The following STK3 variants were observed in gnomAD, a reference collection of about 807,000 sequenced individuals.
The protein encoded by STK3 is serine/threonine kinase 3, also known as serine/threonine-protein kinase 3.
In STK3, 41 loss-of-function variants were observed where a neutral mutation model predicts 58.0. The ratio of observed to expected loss-of-function variants is 0.71; its 90% CI spans 0.55 to 0.92. STK3 has a LOEUF of 0.92. Among genes scored for constraint, STK3 ranks in the 40% least tolerant of loss-of-function variants. The probability of loss-of-function intolerance (pLI) is 0.00; values close to 1 mark genes in which losing one functional copy is unlikely to be tolerated. For synonymous variants in STK3, 170 were observed against 191.0 expected (o/e 0.89, Z 0.91); for missense variants, 479 against 602.7 (o/e 0.79, Z 2.15).
At chr8:98,377,285 T>C (rs1409359389) in intron 2 of STK3, among the ~76,000 whole-genome samples, 1 of 152,212 alleles carries the variant, frequency 6.6e-6, no homozygotes, top group Non-Finnish European at 1.5e-5. Context: ...CTTATATTAA[T>C]TCTTTTTCCC....
intron 4 of STK3, among the ~76,000 whole-genome samples, chr8:98,730,562 G>C (rs142046869): frequency 0.021 from 3,123 of 151,714 alleles, 110 homozygotes; most frequent in African/African-American, 0.072. Context: ...ACTAAAAATA[G>C]AAAATTAGCC....
intron 7 of STK3, among the ~76,000 whole-genome samples, chr8:98,593,593 G>A (rs903396581): frequency 2.0e-5 from 3 of 152,166 alleles, no homozygotes; most frequent in African/African-American, 7.2e-5. Flanking sequence ...TCTAACAGGA[G>A]CACAAACCCT....
At chr8:98,563,958 G>A (rs1425334766) in intron 8 of STK3, among the ~76,000 whole-genome samples, 2 of 152,046 alleles carry the variant, frequency 1.3e-5, no homozygotes, top group South Asian at 2.1e-4. Context: ...CTTCTTAAAT[G>A]TGAGCTGTGT....
At chr8:98,876,214 G>A (rs16897115) in intron 3 of STK3, among the ~76,000 whole-genome samples, 3 of 152,098 alleles carry the variant, frequency 2.0e-5, no homozygotes, top group African/African-American at 4.8e-5. Context: ...AATCTAGCAC[G>A]TTTAGGAACC....
chr8:98,553,177 T>C (rs540090552), intron 8 of STK3, among the ~76,000 whole-genome samples: 2 of 152,050 alleles, frequency 1.3e-5, no homozygotes, highest in East Asian at 3.9e-4. Context: ...GGGTGGAGTG[T>C]TTTACAACTT....
the STK3 span, among the ~76,000 whole-genome samples, chr8:98,353,345 T>C: frequency 6.6e-6 from 1 of 151,962 alleles, no homozygotes; most frequent in African/African-American, 2.4e-5. Context: ...AGAAAAATTA[T>C]CTGGGTGTGG....
chr8:98,842,075 A>G (rs1836012301), intron 3 of STK3, among the ~76,000 whole-genome samples: 1 of 152,168 alleles, frequency 6.6e-6, no homozygotes, highest in Non-Finnish European at 1.5e-5. Flanking sequence ...AAATAATCCA[A>G]AAGAAAACTA....
intron 4 of STK3, chr8:98,722,653 G>A (rs1195881721): frequency 1.3e-5 from 2 of 158,016 alleles, no homozygotes; most frequent in Non-Finnish European, 2.8e-5. Flanking sequence ...TCACATATAA[G>A]CACAGCCAAT....
chr8:98,900,812 C>T (rs935995871), intron 1 of STK3, among the ~76,000 whole-genome samples: 15 of 151,838 alleles, frequency 9.9e-5, no homozygotes, highest in Non-Finnish European at 1.6e-4. Flanking sequence ...CAGGTGCACG[C>T]CATGACACCA....
At chr8:98,759,215 T>C (rs916985629) in intron 3 of STK3, among the ~76,000 whole-genome samples, 4 of 152,258 alleles carry the variant, frequency 2.6e-5, no homozygotes, top group Non-Finnish European at 4.4e-5. Context: ...AAATCATTTC[T>C]AGCTTTTTTA....
At chr8:98,493,232 C>CAA (rs58987455) in intron 10 of STK3, among the ~76,000 whole-genome samples, 21 of 120,236 alleles carry the variant, frequency 1.7e-4, no homozygotes, top group African/African-American at 5.7e-4. Flanking sequence ...GACCCTGTCT[C>CAA]AAAAAAAAAA....
chr8:98,491,303 T>C (rs1017434093), intron 10 of STK3, among the ~76,000 whole-genome samples: 3 of 152,212 alleles, frequency 2.0e-5, no homozygotes, highest in Non-Finnish European at 2.9e-5. Context: ...AAATAAATGA[T>C]GATGAAACCA....
chr8:98,474,078 T>C (rs971348251), intron 10 of STK3, among the ~76,000 whole-genome samples: 2 of 152,184 alleles, frequency 1.3e-5, no homozygotes, highest in African/African-American at 2.4e-5. Context: ...ATCCAACTAG[T>C]TGCAAATGCT....
Position 98,694,504 on chromosome 8 carries a change from C to A in STK3, c.684+11963G>T, listed in dbSNP as rs545121070. On this transcript the variant is annotated intron_variant, in intron 6 of 10. Transcript: ENST00000419617. ...TCCTAATGCTATCCCTCCCCACTCC[C>A]CGCACCCCAGAACAGTCCCCAGAGT... Among the ~76,000 whole-genome samples, 42 of 152,220 alleles carry A rather than the reference C, an allele frequency of 2.8e-4. 1 individual carries two copies. The South Asian group carries it at 7.2e-3, about 26-fold the overall frequency.
At chr8:98,839,720 G>T (rs993801348) in intron 3 of STK3, among the ~76,000 whole-genome samples, 1 of 152,080 alleles carries the variant, frequency 6.6e-6, no homozygotes, top group African/African-American at 2.4e-5. Flanking sequence ...TTTAAACTAC[G>T]ATTTCAATCT....
chr8:98,877,671 CG>C (rs1315958695), intron 3 of STK3, among the ~76,000 whole-genome samples: 1 of 151,896 alleles, frequency 6.6e-6, no homozygotes, highest in African/African-American at 2.4e-5. Flanking sequence ...TTAGTAGAGA[CG>C]GGGTTTCTCC....
intron 4 of STK3, among the ~76,000 whole-genome samples, chr8:98,733,802 G>A (rs192418429): frequency 1.3e-5 from 2 of 152,198 alleles, no homozygotes; most frequent in East Asian, 1.9e-4. Context: ...ACAGCACTGG[G>A]CCTAAATCAA....
At chr8:98,566,591 C>G (rs574616152) in intron 8 of STK3, among the ~76,000 whole-genome samples, 1 of 152,184 alleles carries the variant, frequency 6.6e-6, no homozygotes, top group South Asian at 2.1e-4. Flanking sequence ...TCTACATTAT[C>G]TAAAAAGTTA....
chr8:98,632,971 T>C (rs1470553288), intron 6 of STK3, among the ~76,000 whole-genome samples: 1 of 152,214 alleles, frequency 6.6e-6, no homozygotes, highest in Non-Finnish European at 1.5e-5. Context: ...AATCATTTAT[T>C]TAATAATTAG....
Sources: allele counts gnomAD v4.1 joint callset (sites outside exome capture counted in the v4.1 genomes callset), GRCh38; gene constraint gnomAD v4.1.1; transcripts MANE v1.5; gene names NCBI Gene and HGNC (gene_info 2026-07-23, HGNC 2026-07-21).